The following SPON1 variants were observed in gnomAD, a reference collection of about 807,000 sequenced individuals.
SPON1 encodes the protein spondin 1.
In SPON1, 52 loss-of-function variants were observed where a neutral mutation model predicts 111.7. The ratio of observed to expected loss-of-function variants is 0.47; its 90% confidence interval spans 0.37 to 0.59. The LOEUF is 0.59. Ranked by LOEUF, SPON1 falls within the 20% of genes least tolerant of loss-of-function variation. SPON1 has a pLI of 0.00. For missense variants in SPON1, 957 were observed against 1,068.5 expected, an observed-to-expected ratio of 0.90 and a Z score of 1.46; for synonymous variants, 410 against 395.8, an observed-to-expected ratio of 1.04 and a Z score of -0.43.
At chr11:14,105,553 A>G (rs1457923479) in intron 5 of SPON1, among the ~76,000 whole-genome samples, 1 of 152,022 alleles carries the variant, frequency 6.6e-6, no homozygotes, top group Non-Finnish European at 1.5e-5. Flanking sequence ...GTTTCATTTC[A>G]TGGTTTATTG....
chr11:14,018,787 C>G (rs968154152), intron 2 of SPON1, among the ~76,000 whole-genome samples: 3 of 152,208 alleles, frequency 2.0e-5, no homozygotes, highest in African/African-American at 7.2e-5. Flanking sequence ...TACAAAGGCT[C>G]CAACGGTACA....
chr11:14,199,630 A>G (rs1043693555), intron 6 of SPON1, among the ~76,000 whole-genome samples: 4 of 152,230 alleles, frequency 2.6e-5, no homozygotes, highest in Non-Finnish European at 5.9e-5. Context: ...CACAAAGCTA[A>G]CAATGGCACC....
intron 2 of SPON1, among the ~76,000 whole-genome samples, chr11:14,020,916 A>T (rs1848476808): frequency 6.6e-6 from 1 of 152,238 alleles, no homozygotes. Flanking sequence ...GTGAGGAATA[A>T]GGATGCAGAT....
At chr11:14,063,538 T>C (rs1353475757) in intron 3 of SPON1, among the ~76,000 whole-genome samples, 2 of 152,148 alleles carry the variant, frequency 1.3e-5, no homozygotes, top group Non-Finnish European at 2.9e-5. Flanking sequence ...AGCTTACATA[T>C]GGTCTCATGC....
At chr11:13,975,708 C>T (rs1337061189) in intron 1 of SPON1, among the ~76,000 whole-genome samples, 1 of 152,162 alleles carries the variant, frequency 6.6e-6, no homozygotes, top group African/African-American at 2.4e-5. Flanking sequence ...TCTCCATAAC[C>T]TGAACTTGTA....
chr11:14,018,096 A>G (rs571012059), intron 2 of SPON1, among the ~76,000 whole-genome samples: 24 of 152,356 alleles, frequency 1.6e-4, no homozygotes, highest in African/African-American at 5.5e-4. Flanking sequence ...TGAAATAACC[A>G]TGGAACAAGG....
chr11:14,143,271 G>A (rs191595594), intron 6 of SPON1, among the ~76,000 whole-genome samples: 1 of 152,276 alleles, frequency 6.6e-6, no homozygotes, highest in East Asian at 1.9e-4. Context: ...ACTAAGAAGG[G>A]AACTGAAGGC....
At chr11:14,263,306 C>A (rs1304134101) in intron 15 of SPON1, among the ~76,000 whole-genome samples, 1 of 152,128 alleles carries the variant, frequency 6.6e-6, no homozygotes. Flanking sequence ...AATAATGTGT[C>A]CAACTTTGCT....
At chr11:14,088,642 G>A (rs1469852350) in intron 5 of SPON1, among the ~76,000 whole-genome samples, 1 of 151,990 alleles carries the variant, frequency 6.6e-6, no homozygotes, top group East Asian at 1.9e-4. Context: ...TATCATTGTG[G>A]TGTTCTCTGT....
intron 6 of SPON1, among the ~76,000 whole-genome samples, chr11:14,197,274 C>G (rs1254986575): frequency 6.6e-6 from 1 of 152,108 alleles, no homozygotes; most frequent in Non-Finnish European, 1.5e-5. Flanking sequence ...ATTCAGTTGG[C>G]AGTTAACACT....
intron 2 of SPON1, among the ~76,000 whole-genome samples, chr11:14,025,636 G>A (rs1554915224): frequency 6.6e-6 from 1 of 152,144 alleles, no homozygotes; most frequent in East Asian, 1.9e-4. Context: ...AAGTGCTGGA[G>A]AGGCAAAGAT....
chr11:14,201,411 C>G (rs1162088819), intron 6 of SPON1, among the ~76,000 whole-genome samples: 1 of 142,962 alleles, frequency 7.0e-6, no homozygotes, highest in Non-Finnish European at 1.5e-5. Context: ...TTTTTTTTTT[C>G]TTTTTGAGAC....
intron 6 of SPON1, among the ~76,000 whole-genome samples, chr11:14,144,839 T>C (rs147018776): frequency 9.2e-5 from 14 of 152,166 alleles, no homozygotes; most frequent in African/African-American, 3.4e-4. Flanking sequence ...TAATACTTTT[T>C]CAAGGCTTCT....
chr11:13,963,248 G>A, intron 1 of SPON1, 106 bp downstream of exon 1: 2 of 845,130 alleles, frequency 2.4e-6, no homozygotes, highest in Non-Finnish European at 3.5e-6. Flanking sequence ...CGCGTGGCGC[G>A]GGTGCAGCCC....
chr11:14,068,808 C>T (rs1189870021), intron 3 of SPON1, among the ~76,000 whole-genome samples: 1 of 152,176 alleles, frequency 6.6e-6, no homozygotes, highest in African/African-American at 2.4e-5. Context: ...GGGATTCTAA[C>T]AGATTTGTGT....
chr11:14,103,237 A>C (rs782277740), intron 5 of SPON1, among the ~76,000 whole-genome samples: 1 of 152,338 alleles, frequency 6.6e-6, no homozygotes, highest in Non-Finnish European at 1.5e-5. Flanking sequence ...AAGCAGGAAT[A>C]GGAGGAAGTG....
chr11:14,243,414 C>T lies in SPON1; in HGVS notation c.890+18C>T. 6.4e-7 allele frequency: 1 copy of T among 1,559,034 alleles called. No homozygotes were observed. Among genetic ancestry groups the T allele is most frequent in the South Asian group, 1.2e-5 (1 of 84,478 alleles). On this transcript the variant is annotated intron_variant, in intron 7 of 15. Coordinates refer to ENST00000576479, the MANE Select transcript of SPON1 (RefSeq NM_006108.4). ...CTCAACGTGTAAGTAACACAAGTCC[C>T]TTGCCTGGCCTGTCTTATCCTAGCC... is the stretch of plus-strand genomic sequence containing the variant.
At chr11:14,260,149 A>C (rs543666311) in intron 13 of SPON1, among the ~76,000 whole-genome samples, 3 of 152,338 alleles carry the variant, frequency 2.0e-5, no homozygotes, top group African/African-American at 7.2e-5. Flanking sequence ...GCCTGCCCAC[A>C]CATTAGTATG....
chr11:14,131,883 C>T (rs1847533667), intron 5 of SPON1, among the ~76,000 whole-genome samples: 2 of 152,198 alleles, frequency 1.3e-5, no homozygotes, highest in African/African-American at 4.8e-5. Flanking sequence ...TCCATAGGTG[C>T]CTGTCTTGTC....
Sources: allele counts gnomAD v4.1 joint callset (sites outside exome capture counted in the v4.1 genomes callset), GRCh38; gene constraint gnomAD v4.1.1; transcripts MANE v1.5; gene names NCBI Gene and HGNC (gene_info 2026-07-23, HGNC 2026-07-21).